Variants in KIT observed in about 807,000 individuals in gnomAD.
The protein encoded by KIT is mast/stem cell growth factor receptor Kit.
KIT carries 16 observed loss-of-function variants against 105.7 expected under a neutral mutation model. The ratio of observed to expected loss-of-function variants is 0.15; its 90% CI spans 0.10 to 0.23. KIT has a LOEUF of 0.23. Ranked by LOEUF, KIT falls within the 10% of genes least tolerant of loss-of-function variation. The probability of loss-of-function intolerance (pLI) is 1.00; values close to 1 mark genes in which losing one functional copy is unlikely to be tolerated. For synonymous variants in KIT, 438 were observed against 441.1 expected, an observed-to-expected ratio of 0.99 and a Z score of 0.09; for missense variants, 858 against 1,213.8, an observed-to-expected ratio of 0.71 and a Z score of 4.36.
At chr4:54,731,736 C>T (rs1722608684) in intron 15 of KIT, 135 bp from the exon 16 acceptor site, 1 of 893,732 alleles carries the variant, frequency 1.1e-6, no homozygotes, top group Non-Finnish European at 1.8e-6. Context: ...CTTTCCTGGA[C>T]ACCAGGGAAG....
chr4:54,715,595 G>T (rs1163964108), intron 7 of KIT, among the ~76,000 whole-genome samples: 1 of 152,060 alleles, frequency 6.6e-6, no homozygotes, highest in African/African-American at 2.4e-5. Flanking sequence ...CGGATCTCGA[G>T]GGAGCTAATA....
rs970897733 is a variant in KIT, at chr4:54,740,522, C to T, written c.*1965C>T. On this transcript the variant is annotated 3_prime_UTR_variant, in exon 21 of 21. Coordinates refer to ENST00000288135, the MANE Select transcript of KIT (RefSeq NM_000222.3). ...TTTTTTTGTAAATATTGAAATGTAGCAATAATGTCTTTTGAATATTCCCAA... is the reference window on the plus strand; with the variant it reads ...TTTTTTTGTAAATATTGAAATGTAGTAATAATGTCTTTTGAATATTCCCAA... The T allele has an allele frequency of 6.9e-5, 16 of 232,716 alleles. No homozygotes were observed. Among genetic ancestry groups the T allele is most frequent in the Non-Finnish European group, 1.1e-4 (13 of 117,672 alleles). 14.4% of individuals were successfully genotyped at this position (232,716 alleles called of 1,614,324 possible).
rs1013731817 is a variant in KIT, at chr4:54,689,444, G to A, written c.68-6068G>A. ...AGGGTCAGTGTGGTTTAAAATAAGA[G>A]CTTCCAGGTCTTTCCACTCAGAGAG... On this transcript the variant is annotated intron_variant, in intron 1 of 20. Transcript: ENST00000288135. Among the ~76,000 whole-genome samples, 7 of 152,294 alleles carry A rather than the reference G, an allele frequency of 4.6e-5. No homozygotes were observed. The East Asian group carries it at 1.4e-3, about 29-fold the overall frequency.
At chr4:54,714,966 CAGA>C (rs1340118897) in intron 7 of KIT, among the ~76,000 whole-genome samples, 2 of 152,158 alleles carry the variant, frequency 1.3e-5, no homozygotes, top group Non-Finnish European at 2.9e-5. Flanking sequence ...CAAATTAACT[CAGA>C]AGTCACCAAT....
chr4:54,735,871 T>C (rs562144268), intron 17 of KIT, among the ~76,000 whole-genome samples: 1 of 152,220 alleles, frequency 6.6e-6, no homozygotes, highest in African/African-American at 2.4e-5. Flanking sequence ...TTCCTTTCCA[T>C]GCTTAGCCAT....
chr4:54,677,502 A>T (rs73135814), intron 1 of KIT, among the ~76,000 whole-genome samples: 5,206 of 152,244 alleles, frequency 0.034, 272 homozygotes, highest in African/African-American at 0.12. Flanking sequence ...AGCAGCCTGG[A>T]GTAAAGGTGG....
In KIT at chr4:54,697,278, T is replaced by A. The variant is rs971448808; in HGVS notation, c.338-1006T>A. Among the ~76,000 whole-genome samples the A allele has an allele frequency of 3.3e-5, 5 of 152,312 alleles. No individual in the cohort carries two copies. In the South Asian group the frequency reaches 8.3e-4, roughly 25 times the overall value. On this transcript the variant is annotated intron_variant, in intron 2 of 20. Transcript: ENST00000288135. ...CATAATTTATCTTGGAAAACTTTTT[T>A]TTCAAAATTGATCAAGGATAAAACA...
At chr4:54,734,309 T>C (rs1331480262) in intron 17 of KIT, among the ~76,000 whole-genome samples, 1 of 152,186 alleles carries the variant, frequency 6.6e-6, no homozygotes, top group Non-Finnish European at 1.5e-5. Flanking sequence ...CCTGTGTAAT[T>C]TTGTCAAGAG....
chr4:54,739,447 C>A lies in KIT; in HGVS notation c.*890C>A. On this transcript the variant is annotated 3_prime_UTR_variant, in exon 21 of 21. Transcript: ENST00000288135. ...TCCTCTTTTAGCTGATGAACTTATT[C>A]TGTAGATTCTGTGGAACAAGCCTAT... 4.3e-6 allele frequency: 1 copy of A among 233,372 alleles called. No individual in the cohort carries two copies. The highest frequency in any genetic ancestry group is 8.5e-6 in the Non-Finnish European group (1 of 117,838). The allele number at this position is 233,372 out of a possible 1,614,324, so 14.5% of individuals were successfully genotyped here.
chr4:54,710,434 G>A (rs551791549), intron 7 of KIT, among the ~76,000 whole-genome samples: 25 of 152,300 alleles, frequency 1.6e-4, no homozygotes, highest in Admixed American at 7.2e-4. Context: ...GAGCTTAGGC[G>A]TTATGCTGGG....
chr4:54,665,044 C>A (rs1438904110), intron 1 of KIT, among the ~76,000 whole-genome samples: 1 of 152,058 alleles, frequency 6.6e-6, no homozygotes, highest in African/African-American at 2.4e-5. Flanking sequence ...GAGCAGCTCC[C>A]CTCTCCTTCC....
intron 7 of KIT, among the ~76,000 whole-genome samples, chr4:54,716,904 T>C (rs2109740653): frequency 6.6e-6 from 1 of 152,324 alleles, no homozygotes; most frequent in Non-Finnish European, 1.5e-5. Context: ...CAGTTCTAAA[T>C]TAAGGAATAA....
At chr4:54,700,991 G>T (rs1333052441) in intron 4 of KIT, among the ~76,000 whole-genome samples, 1 of 152,302 alleles carries the variant, frequency 6.6e-6, no homozygotes, top group East Asian at 1.9e-4. Context: ...ATATTAATTG[G>T]CTTTCTATAA....
Position 54,740,011 on chromosome 4 carries a change from TTACC to T in KIT, c.*1456_*1459del, listed in dbSNP as rs765958252. ...GTAGCCTGGATATTATTCTTGTAGT[TTACC>T]TCTTTAAAAACAAAACAAAACAAAA... is the stretch of plus-strand genomic sequence containing the variant. On this transcript the variant is annotated 3_prime_UTR_variant, in exon 21 of 21. Transcript: ENST00000288135. 87 of 233,608 alleles carry T rather than the reference TTACC, an allele frequency of 3.7e-4. No homozygotes were observed. Among genetic ancestry groups the T allele is most frequent in the Middle Eastern group, 1.3e-3 (1 of 786 alleles). 14.5% of individuals were successfully genotyped at this position (233,608 alleles called of 1,614,324 possible).
chr4:54,721,464 T>G (rs1721868547), intron 7 of KIT, among the ~76,000 whole-genome samples: 1 of 152,250 alleles, frequency 6.6e-6, no homozygotes, highest in Non-Finnish European at 1.5e-5. Flanking sequence ...AGACGATGGC[T>G]TGTCTTCTTG....
At chr4:54,696,283 G>GA (rs1465316771) in intron 2 of KIT, among the ~76,000 whole-genome samples, 1 of 152,044 alleles carries the variant, frequency 6.6e-6, no homozygotes, top group Non-Finnish European at 1.5e-5. Flanking sequence ...GTTGTCCATA[G>GA]AAAAAAATGT....
At chr4:54,687,672 A>G (rs1719413012) in intron 1 of KIT, among the ~76,000 whole-genome samples, 2 of 152,012 alleles carry the variant, frequency 1.3e-5, no homozygotes. Flanking sequence ...TGGGGTCCCC[A>G]TAGGACTAGC....
chr4:54,694,994 T>C (rs1054775287), intron 1 of KIT, among the ~76,000 whole-genome samples: 18 of 152,222 alleles, frequency 1.2e-4, no homozygotes, highest in African/African-American at 4.3e-4. Context: ...TGAATAGTTC[T>C]CCTTTTGATG....
intron 5 of KIT, among the ~76,000 whole-genome samples, chr4:54,706,020 C>A (rs1235363735): frequency 2.0e-5 from 3 of 152,122 alleles, no homozygotes; most frequent in Non-Finnish European, 4.4e-5. Context: ...TTATTGCTCT[C>A]TTTTTCAAGA....
Sources: allele counts gnomAD v4.1 joint callset (sites outside exome capture counted in the v4.1 genomes callset), GRCh38; gene constraint gnomAD v4.1.1; transcripts MANE v1.5; gene names NCBI Gene and HGNC (gene_info 2026-07-23, HGNC 2026-07-21).